The following CXXC4 variants were observed in gnomAD, a reference collection of about 807,000 sequenced individuals.
CXXC4 encodes CXXC-type zinc finger protein 4.
A neutral mutation model predicts 20.5 loss-of-function variants in CXXC4; 5 were observed. The ratio of observed to expected loss-of-function variants is 0.24; its 90% CI spans 0.13 to 0.51. CXXC4 has a LOEUF of 0.51. Among genes scored for constraint, CXXC4 ranks in the 20% least tolerant of loss-of-function variants. The pLI is 0.97. For synonymous variants in CXXC4, 250 were observed against 216.4 expected (o/e 1.16, Z -1.36); for missense variants, 419 against 496.4 (o/e 0.84, Z 1.48).
chr4:104,476,324 C>T (rs754763174), intron 2 of CXXC4, among the ~76,000 whole-genome samples: 7 of 152,218 alleles, frequency 4.6e-5, no homozygotes, highest in Admixed American at 1.3e-4. Flanking sequence ...CTCATACCTG[C>T]GAAGCAGTCA....
At chr4:104,479,807 G>GTCCT (rs1387936333) in intron 2 of CXXC4, among the ~76,000 whole-genome samples, 1 of 103,196 alleles carries the variant, frequency 9.7e-6, no homozygotes, top group Non-Finnish European at 1.8e-5. Flanking sequence ...CCGTCCTTCC[G>GTCCT]TCCTTCCTTC....
intron 2 of CXXC4, among the ~76,000 whole-genome samples, chr4:104,478,240 T>C (rs998363353): frequency 3.9e-5 from 6 of 152,160 alleles, no homozygotes; most frequent in African/African-American, 1.4e-4. Flanking sequence ...CCATCACCAC[T>C]GTGACAGCAT....
chr4:104,493,035 T>C (rs1372482324), intron 1 of CXXC4, among the ~76,000 whole-genome samples: 2 of 136,288 alleles, frequency 1.5e-5, no homozygotes, highest in East Asian at 2.5e-4. Context: ...CACTGATTTT[T>C]ACATTGAGTA....
Position 104,491,375 on chromosome 4 carries a change from G to A in CXXC4, c.428C>T (p.Ser143Phe), listed in dbSNP as rs1736861182. The change falls in exon 2 of 3, where the codon TCC (serine) becomes TTC (phenylalanine). Residue 143 changes from serine to phenylalanine, a missense_variant. Ser to Phe is a radical substitution (Grantham distance 155, BLOSUM62 -2). Coordinates refer to ENST00000394767, the MANE Select transcript of CXXC4 (RefSeq NM_025212.4). ...GGRKSSSAAASSSASSSSAIL... is the reference protein window; with the variant it reads ...GGRKSSSAAAFSSASSSSAIL... ...CGCCGAGGAGGAGGAGGCGGAGGAG[G>A]AGGCGGCGGCGGAGGAGGATTTCCT... The A allele has an allele frequency of 4.3e-6, 6 of 1,388,934 alleles. No homozygotes were observed. Among genetic ancestry groups the A allele is most frequent in the Non-Finnish European group, 5.6e-6 (6 of 1,072,298 alleles). 86.0% of individuals were successfully genotyped at this position (1,388,934 alleles called of 1,614,324 possible).
At chr4:104,490,710 G>A in intron 2 of CXXC4, 34 bp downstream of exon 2, 4 of 1,553,152 alleles carry the variant, frequency 2.6e-6, no homozygotes, top group Non-Finnish European at 2.6e-6. Flanking sequence ...AGGGAAGGGG[G>A]GAGACTGGGA....
At chr4:104,482,077 C>T (rs1003621965) in intron 2 of CXXC4, among the ~76,000 whole-genome samples, 2 of 152,140 alleles carry the variant, frequency 1.3e-5, no homozygotes, top group African/African-American at 4.8e-5. Context: ...TTTAAGTGTA[C>T]ATAACTGAAA....
At position 104,471,146 on chromosome 4, in the gene CXXC4, C is replaced by T. The variant is rs1022521032; in HGVS notation, c.*1176G>A. The T allele has an allele frequency of 1.1e-4, 17 of 151,990 alleles. No individual in the cohort carries two copies. The highest frequency in any genetic ancestry group is 5.3e-4 in the Admixed American group (8 of 15,212). 9.4% of individuals were successfully genotyped at this position (151,990 alleles called of 1,614,324 possible). ...AAAGAAAATAAAAAGAGATAAAATG[C>T]CTCACTTTTATGAATATGTTTAATT... On this transcript the variant is annotated 3_prime_UTR_variant, in exon 3 of 3. Transcript: ENST00000394767.
At chr4:104,474,325 C>T (rs899392569) in intron 2 of CXXC4, among the ~76,000 whole-genome samples, 2 of 151,962 alleles carry the variant, frequency 1.3e-5, no homozygotes, top group African/African-American at 4.8e-5. Context: ...AACTTCTTTA[C>T]TACTTTCTAA....
At chr4:104,485,947 CACG>C (rs1431670100) in intron 2 of CXXC4, among the ~76,000 whole-genome samples, 2 of 152,046 alleles carry the variant, frequency 1.3e-5, no homozygotes, top group South Asian at 2.1e-4. Context: ...TGAAAAGCCA[CACG>C]ACTTTTATTT....
intron 2 of CXXC4, chr4:104,475,326 A>G (rs1353821270): frequency 1.3e-5 from 2 of 152,126 alleles, no homozygotes; most frequent in Non-Finnish European, 2.9e-5. Context: ...CTGGTGCAGT[A>G]ATTAGAAAAT....
chr4:104,486,191 C>T (rs1420403904), intron 2 of CXXC4, among the ~76,000 whole-genome samples: 2 of 152,038 alleles, frequency 1.3e-5, no homozygotes, highest in South Asian at 4.1e-4. Context: ...GTACTGTTTT[C>T]ATTTAGGAAG....
Position 104,471,453 on chromosome 4 carries a change from T to G in CXXC4, c.*869A>C, listed in dbSNP as rs1222953162. The G allele has an allele frequency of 1.3e-5, 2 of 152,088 alleles. No individual in the cohort carries two copies. Among genetic ancestry groups the G allele is most frequent in the Non-Finnish European group, 1.5e-5 (1 of 67,954 alleles). The allele number at this position is 152,088 out of a possible 1,614,324, so 9.4% of individuals were successfully genotyped here. On this transcript the variant is annotated 3_prime_UTR_variant, in exon 3 of 3. Transcript: ENST00000394767. The stretch of plus-strand genomic sequence containing the variant: ...AAAACACCGTTTTTATAAAAAAAAA[T>G]TATACAACTGATTCTGCATTTTCCA...
chr4:104,491,846 G>A lies in CXXC4; in HGVS notation c.-44C>T. The A allele has an allele frequency of 1.1e-6, 1 of 939,558 alleles. No homozygotes were observed. Among genetic ancestry groups the A allele is most frequent in the Non-Finnish European group, 1.3e-6 (1 of 785,940 alleles). The allele number at this position is 939,558 out of a possible 1,614,324, so 58.2% of individuals were successfully genotyped here. A position where few individuals can be genotyped will look rare whatever the true frequency, so the allele number is the denominator to read the frequency against. On this transcript the variant is annotated 5_prime_UTR_variant, in exon 2 of 3. Transcript: ENST00000394767. ...GGGGTGCAGGGTGGAAGTGGGGACC[G>A]CCTGGTCCGACACCTGGGTGGAAAA...
intron 1 of CXXC4, among the ~76,000 whole-genome samples, chr4:104,493,369 AGTT>A: frequency 6.6e-6 from 1 of 152,142 alleles, no homozygotes; most frequent in African/African-American, 2.4e-5. Context: ...TAGAATGCAG[AGTT>A]CAGGGAATTC....
At chr4:104,487,660 A>C (rs1255261557) in intron 2 of CXXC4, among the ~76,000 whole-genome samples, 3 of 152,220 alleles carry the variant, frequency 2.0e-5, no homozygotes, top group Non-Finnish European at 4.4e-5. Context: ...AGGGGCAGAG[A>C]GCATTTGTAA....
intron 2 of CXXC4, among the ~76,000 whole-genome samples, chr4:104,482,470 T>G (rs1578318985): frequency 6.6e-6 from 1 of 152,122 alleles, no homozygotes; most frequent in African/African-American, 2.4e-5. Flanking sequence ...CTCCACAACT[T>G]TTCACTTCTT....
chr4:104,491,542 G>T lies in CXXC4; in HGVS notation c.261C>A (p.Ser87=). 3 of 1,483,520 alleles carry T rather than the reference G, an allele frequency of 2.0e-6. No individual in the cohort carries two copies. Among genetic ancestry groups the T allele is most frequent in the Non-Finnish European group, 1.8e-6 (2 of 1,112,530 alleles). 91.9% of individuals were successfully genotyped at this position (1,483,520 alleles called of 1,614,324 possible). A position where few individuals can be genotyped will look rare whatever the true frequency, so the allele number is the denominator to read the frequency against. Residue 87 remains serine (S), a synonymous_variant, in exon 2 of 3, where the codon TCC becomes TCA. Transcript: ENST00000394767. Reference sequence around the variant, plus strand: ...TGGCCGCGTTGTCGCAGTTCCAGGGGGACATGCCGATGCGCGCGGCGGCCG... The same window carrying T: ...TGGCCGCGTTGTCGCAGTTCCAGGGTGACATGCCGATGCGCGCGGCGGCCG... The part of the protein sequence containing the change: ...AAAAAARIGM[S]PWNCDNAATA...
intron 2 of CXXC4, among the ~76,000 whole-genome samples, chr4:104,472,589 C>T (rs554050677): frequency 8.6e-5 from 13 of 151,996 alleles, no homozygotes; most frequent in South Asian, 6.2e-4. Flanking sequence ...CTGATTAAAA[C>T]ACATTGGTTT....
At chr4:104,487,000 T>C (rs1442944418) in intron 2 of CXXC4, among the ~76,000 whole-genome samples, 5 of 152,126 alleles carry the variant, frequency 3.3e-5, no homozygotes, top group African/African-American at 1.2e-4. Flanking sequence ...TTAGAGACAG[T>C]ATTTGAATTT....
Sources: gnomAD v4.1 joint callset for allele counts (sites outside exome capture counted in the v4.1 genomes callset) on GRCh38, gnomAD v4.1.1 for gene constraint, MANE v1.5 for transcripts, NCBI Gene and HGNC (gene_info 2026-07-23, HGNC 2026-07-21) for gene names.